MYRIP: variants seen among roughly 807,000 people sequenced by gnomAD.
MYRIP encodes myosin VIIA and Rab interacting protein.
In MYRIP, 49 loss-of-function variants were observed where a neutral mutation model predicts 98.0. That is an observed-to-expected ratio of 0.50 (90% CI 0.40 to 0.63). The LOEUF (loss-of-function observed/expected upper bound fraction) is 0.63. Among genes scored for constraint, MYRIP ranks in the 30% least tolerant of loss-of-function variants. The pLI is 0.00. For synonymous variants in MYRIP, 404 were observed against 409.5 expected, an observed-to-expected ratio of 0.99 and a Z score of 0.16; for missense variants, 1,004 against 1,058.2, an observed-to-expected ratio of 0.95 and a Z score of 0.71.
At chr3:40,111,651 C>G (rs1949159575) in intron 3 of MYRIP, among the ~76,000 whole-genome samples, 1 of 152,042 alleles carries the variant, frequency 6.6e-6, no homozygotes, top group Non-Finnish European at 1.5e-5. Flanking sequence ...TCTTCCCAGG[C>G]CTGGCTTGTG....
rs142567243 is a variant in MYRIP, at chr3:39,946,763, C to G, written c.110+45837C>G. Among the ~76,000 whole-genome samples, 21 of 152,208 alleles carry G rather than the reference C, an allele frequency of 1.4e-4. No homozygotes were observed. The East Asian group carries it at 4.1e-3, about 29-fold the overall frequency. ...TCAGCCTTATGAGAGCCTGAGCAGA[C>G]GATCCAGATAAAATGTGCCGAGCTT... is the stretch of plus-strand genomic sequence containing the variant. On this transcript the variant is annotated intron_variant, in intron 2 of 16. Coordinates refer to ENST00000302541, the MANE Select transcript of MYRIP (RefSeq NM_015460.4).
intron 13 of MYRIP, 53 bp from the exon 14 acceptor site, chr3:40,250,168 AT>A: frequency 7.1e-7 from 1 of 1,401,346 alleles, no homozygotes. Context: ...TTTAAGAAAT[AT>A]TTTCCCCTTC....
intron 16 of MYRIP, among the ~76,000 whole-genome samples, chr3:40,254,567 G>C (rs886219594): frequency 6.6e-6 from 1 of 152,092 alleles, no homozygotes; most frequent in African/African-American, 2.4e-5. Flanking sequence ...AAACACCTTA[G>C]GGTACAGATC....
intron 11 of MYRIP, among the ~76,000 whole-genome samples, chr3:40,221,825 G>A (rs1280422715): frequency 1.3e-5 from 2 of 152,180 alleles, no homozygotes; most frequent in East Asian, 3.8e-4. Context: ...AAGCACCCAG[G>A]GGTATATTAC....
At chr3:40,128,299 C>A (rs1474066860) in intron 3 of MYRIP, among the ~76,000 whole-genome samples, 1 of 152,180 alleles carries the variant, frequency 6.6e-6, no homozygotes, top group East Asian at 1.9e-4. Context: ...ACATATCTAC[C>A]TTCCTACAGT....
intron 1 of MYRIP, among the ~76,000 whole-genome samples, chr3:39,830,641 C>A (rs78799170): frequency 0.028 from 4,213 of 152,210 alleles, 186 homozygotes; most frequent in East Asian, 0.22. Flanking sequence ...CTGGAGCCCA[C>A]CTTCTTCAAA....
intron 2 of MYRIP, among the ~76,000 whole-genome samples, chr3:39,986,195 A>G (rs377550234): frequency 1.3e-5 from 2 of 152,304 alleles, no homozygotes; most frequent in African/African-American, 4.8e-5. Flanking sequence ...TTTTTGGTGG[A>G]TATCCAAGCA....
At chr3:40,009,681 C>G (rs1249511853) in intron 2 of MYRIP, among the ~76,000 whole-genome samples, 1 of 152,186 alleles carries the variant, frequency 6.6e-6, no homozygotes, top group Non-Finnish European at 1.5e-5. Context: ...CCTCACCTTA[C>G]TGGGGATGCT....
chr3:40,065,416 G>A (rs1236416710), intron 3 of MYRIP, among the ~76,000 whole-genome samples: 1 of 152,048 alleles, frequency 6.6e-6, no homozygotes, highest in Admixed American at 6.6e-5. Context: ...GGGGAGGGAA[G>A]AAGCATAATT....
At chr3:40,251,440 C>G (rs932553508) in intron 15 of MYRIP, among the ~76,000 whole-genome samples, 15 of 152,206 alleles carry the variant, frequency 9.9e-5, no homozygotes, top group African/African-American at 3.6e-4. Context: ...TAGGCAGCAT[C>G]TGAAAATCAA....
chr3:39,866,870 A>C (rs1942643916), intron 1 of MYRIP, among the ~76,000 whole-genome samples: 1 of 152,222 alleles, frequency 6.6e-6, no homozygotes, highest in South Asian at 2.1e-4. Flanking sequence ...CAAGTAGCCA[A>C]GGCAATTTTG....
intron 3 of MYRIP, among the ~76,000 whole-genome samples, chr3:40,089,898 T>C (rs1473016511): frequency 9.2e-5 from 14 of 152,076 alleles, no homozygotes; most frequent in Admixed American, 9.2e-4. Context: ...TGCAAAAGCC[T>C]GTGAGTCTGT....
chr3:40,044,021 C>A, intron 2 of MYRIP, 29 bp from the exon 3 acceptor site: 1 of 1,606,330 alleles, frequency 6.2e-7, no homozygotes, highest in Non-Finnish European at 8.5e-7. Context: ...TTCTCTCCTC[C>A]TCCCATTTCC....
intron 2 of MYRIP, among the ~76,000 whole-genome samples, chr3:40,031,634 C>A (rs1192395680): frequency 2.6e-5 from 4 of 152,072 alleles, no homozygotes; most frequent in Non-Finnish European, 5.9e-5. Flanking sequence ...TTTACCTGGA[C>A]CATTGGGTGA....
At position 39,900,827 on chromosome 3, in the gene MYRIP, A is replaced by C; in HGVS notation, c.11A>C (p.Lys4Thr). The change falls in exon 2 of 17, where the codon AAG becomes ACG. Residue 4 changes from lysine (K) to threonine (T), a missense_variant. Around this residue, in one of 3 missense-constraint regions of MYRIP, gnomAD observed 880 missense variants for 907.7 expected, o/e 0.97. Coordinates refer to ENST00000302541, the MANE Select transcript of MYRIP (RefSeq NM_015460.4). MGR[K>T]LDLSGLTDDE... ...CTGTGTTGAGTAACCATGGGGAGGA[A>C]GCTGGACCTGTCTGGTTTGACTGAT... is the stretch of plus-strand genomic sequence containing the variant. 1 of 1,613,794 alleles carries C rather than the reference A, an allele frequency of 6.2e-7. No individual in the cohort carries two copies. Among genetic ancestry groups the C allele is most frequent in the Non-Finnish European group, 8.5e-7 (1 of 1,179,900 alleles).
chr3:40,122,627 T>C (rs1359733952), intron 3 of MYRIP, among the ~76,000 whole-genome samples: 3 of 151,878 alleles, frequency 2.0e-5, no homozygotes, highest in African/African-American at 4.8e-5. Flanking sequence ...TTAGTACAAC[T>C]TTTTCTCATT....
At chr3:40,019,719 C>A (rs957070521) in intron 2 of MYRIP, among the ~76,000 whole-genome samples, 6 of 151,714 alleles carry the variant, frequency 4.0e-5, no homozygotes, top group Non-Finnish European at 7.4e-5. Flanking sequence ...TTCAATCCCC[C>A]CCCCGCTTTT....
chr3:40,096,060 C>A (rs1368328090), intron 3 of MYRIP, among the ~76,000 whole-genome samples: 1 of 151,512 alleles, frequency 6.6e-6, no homozygotes, highest in Non-Finnish European at 1.5e-5. Context: ...GACTCCAGCA[C>A]CCACACCCCC....
At chr3:40,103,161 T>C (rs1948981236) in intron 3 of MYRIP, among the ~76,000 whole-genome samples, 1 of 152,076 alleles carries the variant, frequency 6.6e-6, no homozygotes. Context: ...CCAGCTTGCC[T>C]GTCAAATCTC....
Sources: allele counts gnomAD v4.1 joint callset (sites outside exome capture counted in the v4.1 genomes callset), GRCh38; gene constraint gnomAD v4.1.1; regional missense constraint gnomAD v4.1.1; transcripts MANE v1.5; gene names NCBI Gene and HGNC (gene_info 2026-07-23, HGNC 2026-07-21).